Variants in HPSE2 observed in about 807,000 individuals in gnomAD.
HPSE2 encodes heparanase 2 (inactive).
A neutral mutation model predicts 60.5 loss-of-function variants in HPSE2; 38 were observed. The observed-to-expected ratio is 0.63, with a 90% CI of 0.48 to 0.82. The LOEUF is 0.82. Among genes scored for constraint, HPSE2 ranks in the 40% least tolerant of loss-of-function variants. HPSE2 has a pLI of 0.00. For missense variants in HPSE2, 713 were observed against 740.4 expected, an observed-to-expected ratio of 0.96 and a Z score of 0.43; for synonymous variants, 295 against 293.2, an observed-to-expected ratio of 1.01 and a Z score of -0.06.
chr10:98,814,343 A>G (rs1298021922), intron 3 of HPSE2, among the ~76,000 whole-genome samples: 1 of 152,138 alleles, frequency 6.6e-6, no homozygotes, highest in African/African-American at 2.4e-5. Flanking sequence ...TCCTGCCAGT[A>G]TTTTTGTAGA....
At chr10:98,984,331 T>TGCCAATATCCGCTGTTC (rs1299908267) in intron 3 of HPSE2, among the ~76,000 whole-genome samples, 1 of 152,162 alleles carries the variant, frequency 6.6e-6, no homozygotes, top group Non-Finnish European at 1.5e-5. Flanking sequence ...ATTTGCTGTT[T>TGCCAATATCCGCTGTTC]GCCAATATCC....
intron 3 of HPSE2, among the ~76,000 whole-genome samples, chr10:99,105,440 T>C (rs895468838): frequency 6.6e-6 from 1 of 152,102 alleles, no homozygotes; most frequent in Non-Finnish European, 1.5e-5. Context: ...TATTTTTTTT[T>C]TCTCTGTGAG....
chr10:98,993,371 T>C (rs1307832430), intron 3 of HPSE2, among the ~76,000 whole-genome samples: 2 of 152,232 alleles, frequency 1.3e-5, no homozygotes, highest in Non-Finnish European at 2.9e-5. Context: ...CAATGATTTG[T>C]TAAAATTGAA....
intron 2 of HPSE2, among the ~76,000 whole-genome samples, chr10:99,150,309 AT>A (rs1264223668): frequency 6.6e-6 from 1 of 152,126 alleles, no homozygotes; most frequent in East Asian, 1.9e-4. Context: ...GTTGAGACAA[AT>A]GACAGACTGG....
chr10:98,755,149 C>T (rs183860932), intron 3 of HPSE2, among the ~76,000 whole-genome samples: 1 of 152,094 alleles, frequency 6.6e-6, no homozygotes, highest in Admixed American at 6.5e-5. Context: ...TGCAATGATT[C>T]ATAAGCTCAA....
At chr10:99,196,950 G>A (rs1176513985) in intron 2 of HPSE2, among the ~76,000 whole-genome samples, 1 of 152,128 alleles carries the variant, frequency 6.6e-6, no homozygotes, top group East Asian at 1.9e-4. Context: ...GTTTACAACA[G>A]CTAAGATTTG....
chr10:98,931,481 A>T (rs1165519232), intron 3 of HPSE2, among the ~76,000 whole-genome samples: 1 of 142,926 alleles, frequency 7.0e-6, no homozygotes, highest in Admixed American at 7.0e-5. Flanking sequence ...TAAATTTTAA[A>T]AGTTTTTTCT....
chr10:98,858,748 G>T lies in HPSE2; in HGVS notation c.611-114692C>A, dbSNP rs550078262. The stretch of plus-strand genomic sequence containing the variant: ...ATAAGACCAACCAGCAGATGGGGCT[G>T]CTAGAAGAAATAGAGGCTACATAAC... On this transcript the variant is annotated intron_variant, in intron 3 of 11. Coordinates refer to ENST00000370552, the MANE Select transcript of HPSE2 (RefSeq NM_021828.5). Among the ~76,000 whole-genome samples the T allele has an allele frequency of 1.0e-3, 152 of 152,282 alleles. 1 individual carries two copies. The highest frequency in any genetic ancestry group is 3.5e-3 in the African/African-American group (144 of 41,550).
chr10:99,043,539 T>C (rs1957790171), intron 3 of HPSE2, among the ~76,000 whole-genome samples: 1 of 151,970 alleles, frequency 6.6e-6, no homozygotes, highest in Non-Finnish European at 1.5e-5. Flanking sequence ...GTGAATGAAA[T>C]GACAAACATA....
intron 3 of HPSE2, among the ~76,000 whole-genome samples, chr10:99,102,716 C>T (rs945579024): frequency 3.5e-4 from 53 of 152,046 alleles, no homozygotes; most frequent in African/African-American, 1.1e-3. Flanking sequence ...TGATGAACAA[C>T]GATGCAAAAA....
At chr10:98,656,167 A>C (rs1947057511) in intron 6 of HPSE2, among the ~76,000 whole-genome samples, 1 of 151,912 alleles carries the variant, frequency 6.6e-6, no homozygotes, top group African/African-American at 2.4e-5. Context: ...GCTCACTGCA[A>C]CTGCTACCTC....
At chr10:98,474,259 G>C (rs1940905229) in intron 11 of HPSE2, among the ~76,000 whole-genome samples, 1 of 152,192 alleles carries the variant, frequency 6.6e-6, no homozygotes, top group South Asian at 2.1e-4. Context: ...TTTTCCCAAA[G>C]CTTCTTTTAC....
At chr10:98,801,055 C>A (rs2134523933) in intron 3 of HPSE2, among the ~76,000 whole-genome samples, 1 of 152,296 alleles carries the variant, frequency 6.6e-6, no homozygotes, top group South Asian at 2.1e-4. Flanking sequence ...GATAATTCAA[C>A]ATATGCAAAT....
intron 3 of HPSE2, among the ~76,000 whole-genome samples, chr10:99,065,087 T>C (rs940512742): frequency 2.0e-5 from 3 of 152,230 alleles, no homozygotes; most frequent in Non-Finnish European, 4.4e-5. Context: ...TATCTTCCCA[T>C]TTTCTCAGTT....
At chr10:98,852,079 TTACAGGAAGGTTTTGCAA>T (rs1482627961) in intron 3 of HPSE2, among the ~76,000 whole-genome samples, 5 of 149,890 alleles carry the variant, frequency 3.3e-5, no homozygotes, top group African/African-American at 1.2e-4. Flanking sequence ...CTAATCCTCT[TTACAGGAAGGTTTTGCAA>T]ACCTTGTATA....
intron 3 of HPSE2, among the ~76,000 whole-genome samples, chr10:98,820,097 G>A (rs1252329): frequency 0.04 from 6,132 of 151,972 alleles, 381 homozygotes; most frequent in African/African-American, 0.14. Context: ...TTGTCTTCAC[G>A]TAGGAAAGTC....
intron 3 of HPSE2, among the ~76,000 whole-genome samples, chr10:99,030,791 C>T (rs1957481894): frequency 6.6e-6 from 1 of 152,074 alleles, no homozygotes; most frequent in Admixed American, 6.6e-5. Flanking sequence ...CAATGGAGTA[C>T]CATTCAGCTA....
At chr10:98,465,005 G>A (rs796581427) in intron 11 of HPSE2, among the ~76,000 whole-genome samples, 4 of 152,248 alleles carry the variant, frequency 2.6e-5, no homozygotes, top group African/African-American at 9.6e-5. Context: ...TTGTGAATAA[G>A]GTTTTGTGAG....
intron 9 of HPSE2, among the ~76,000 whole-genome samples, chr10:98,509,779 C>T (rs1333557731): frequency 1.3e-5 from 2 of 152,152 alleles, no homozygotes; most frequent in African/African-American, 4.8e-5. Context: ...AGATTATAGG[C>T]GTGAGCCACC....
Sources: allele counts gnomAD v4.1 joint callset (sites outside exome capture counted in the v4.1 genomes callset), GRCh38; gene constraint gnomAD v4.1.1; transcripts MANE v1.5; gene names NCBI Gene and HGNC (gene_info 2026-07-23, HGNC 2026-07-21).